Variants in KIDINS220 observed in about 807,000 individuals in gnomAD.
The protein encoded by KIDINS220 is kinase D-interacting substrate of 220 kDa.
A neutral mutation model predicts 157.6 loss-of-function variants in KIDINS220; 63 were observed. That is an observed-to-expected ratio of 0.40 (90% CI 0.33 to 0.49). KIDINS220 has a LOEUF of 0.49. KIDINS220 is among the 20% of genes least tolerant of loss of function. KIDINS220 has a pLI of 0.66. For missense variants in KIDINS220, 1,772 were observed against 2,171.2 expected (o/e 0.82, Z 3.65); for synonymous variants, 732 against 783.6 (o/e 0.93, Z 1.10).
intron 26 of KIDINS220, among the ~76,000 whole-genome samples, chr2:8,742,852 A>G (rs1665815825): frequency 6.6e-6 from 1 of 152,244 alleles, no homozygotes; most frequent in African/African-American, 2.4e-5. Context: ...GTGGTACTCA[A>G]TGTAAAATAA....
rs191002016 is a variant in KIDINS220 at position 8,789,838 on chromosome 2, C to T, written c.1621+42G>A. 3.1e-4 allele frequency: 439 copies of T among 1,399,794 alleles called. 3 individuals carry two copies. In the African/African-American group the frequency reaches 5.6e-3, roughly 18 times the overall value. The allele number at this position is 1,399,794 out of a possible 1,614,324, so 86.7% of individuals were successfully genotyped here. On this transcript the variant is annotated intron_variant, in intron 14 of 29. Coordinates refer to ENST00000256707, the MANE Select transcript of KIDINS220 (RefSeq NM_020738.4). ...TTTTTTCTTTATCTATGAATCTTAA[C>T]GTTTTCTCCATTTTTGAAAAAGATA...
rs566700731 is a variant in KIDINS220, at chr2:8,750,446, T to G, written c.3191-111A>C. On this transcript the variant is annotated intron_variant, in intron 23 of 29. Coordinates refer to ENST00000256707, the MANE Select transcript of KIDINS220 (RefSeq NM_020738.4). ...AGGCAGAAACATGACTTTATCACTC[T>G]TGCCACGGATTCCAACTAGATTAAA... 4.6e-6 allele frequency: 3 copies of G among 646,280 alleles called. No individual in the cohort carries two copies. In the South Asian group the frequency reaches 1.8e-4, roughly 40 times the overall value. 40.0% of individuals were successfully genotyped at this position (646,280 alleles called of 1,614,324 possible). A position where few individuals can be genotyped will look rare whatever the true frequency, so the allele number is the denominator to read the frequency against.
intron 17 of KIDINS220, among the ~76,000 whole-genome samples, chr2:8,780,494 G>A (rs984873029): frequency 1.0e-4 from 15 of 149,212 alleles, no homozygotes; most frequent in Non-Finnish European, 1.6e-4. Flanking sequence ...CCTTGATTAC[G>A]TAAGCTTATA....
intron 15 of KIDINS220, 39 bp downstream of exon 15, chr2:8,788,608 T>C (rs775135847): frequency 2.1e-5 from 34 of 1,581,632 alleles, no homozygotes; most frequent in Admixed American, 1.8e-4. Flanking sequence ...TTTTTCTGAA[T>C]CTCATTGAAG....
chr2:8,820,940 T>G (rs914040889), intron 2 of KIDINS220, among the ~76,000 whole-genome samples: 4 of 152,118 alleles, frequency 2.6e-5, no homozygotes, highest in African/African-American at 9.7e-5. Context: ...AAGTCATTGG[T>G]AGAATATATA....
At position 8,740,182 on chromosome 2, in the gene KIDINS220, C is replaced by T. The variant is rs757845517; in HGVS notation, c.3586-3183G>A. ...TCTGTTTGTTAAACCCAGAGTCACA[C>T]AGCTTTAAGGAAGGAATAAAACACA... On this transcript the variant is annotated intron_variant, in intron 26 of 29. Transcript: ENST00000256707. The T allele has an allele frequency of 9.3e-5, 91 of 983,762 alleles. 1 individual carries two copies. The Middle Eastern group carries it at 3.1e-3, about 34-fold the overall frequency. The allele number at this position is 983,762 out of a possible 1,614,324, so 60.9% of individuals were successfully genotyped here.
intron 9 of KIDINS220, 130 bp from the exon 10 acceptor site, chr2:8,798,430 T>G: frequency 1.7e-6 from 1 of 593,066 alleles, no homozygotes; most frequent in Non-Finnish European, 3.0e-6. Context: ...TATTAATCCT[T>G]ATGCTATCTT....
chr2:8,778,296 C>G (rs183293702), intron 20 of KIDINS220, among the ~76,000 whole-genome samples: 1 of 152,298 alleles, frequency 6.6e-6, no homozygotes, highest in African/African-American at 2.4e-5. Flanking sequence ...AAACCTTTCT[C>G]CCCTACTGCT....
intron 22 of KIDINS220, among the ~76,000 whole-genome samples, chr2:8,766,050 C>A (rs1413617578): frequency 6.6e-6 from 1 of 152,112 alleles, no homozygotes. Flanking sequence ...AGCAAATAGG[C>A]CCTGAAGCAT....
rs2148373278 is a variant in KIDINS220, at chr2:8,812,456, C to T, written c.443G>A (p.Gly148Asp). The T allele has an allele frequency of 1.3e-6, 2 of 1,597,734 alleles. No homozygotes were observed. The highest frequency in any genetic ancestry group is 2.3e-5 in the South Asian group (2 of 88,812). ...VYPIIWAAGR[G>D]HADIVHLLLQ... The stretch of plus-strand genomic sequence containing the variant: ...TAAAAGATGAACTATATCTGCATGG[C>T]CTCTCCCTGCTGCCCAAATGATTGG... The change falls in exon 6 of 30, where the codon GGC becomes GAC. Residue 148 changes from glycine (G) to aspartate (D), a missense_variant. Gly to Asp is a moderately conservative substitution (Grantham distance 94). Around this residue, in one of 3 missense-constraint regions of KIDINS220, gnomAD observed 254 missense variants for 268.6 expected, o/e 0.95. Transcript: ENST00000256707.
At chr2:8,813,046 G>A (rs952856334) in intron 5 of KIDINS220, among the ~76,000 whole-genome samples, 191 bp downstream of exon 5, 1 of 152,088 alleles carries the variant, frequency 6.6e-6, no homozygotes, top group African/African-American at 2.4e-5. Flanking sequence ...CCTTTTTGCT[G>A]ACAACAATTG....
intron 2 of KIDINS220, 139 bp downstream of exon 2, chr2:8,826,847 T>TGCAGTC: frequency 4.9e-6 from 2 of 408,660 alleles, no homozygotes; most frequent in Non-Finnish European, 8.7e-6. Context: ...TACTTTTAAC[T>TGCAGTC]ATAAGACATT....
chr2:8,812,654 T>A (rs934449970), intron 5 of KIDINS220, among the ~76,000 whole-genome samples, 161 bp from the exon 6 acceptor site: 2 of 152,152 alleles, frequency 1.3e-5, no homozygotes, highest in Non-Finnish European at 1.5e-5. Context: ...TAACACAAAG[T>A]AATGTTTTTT....
At chr2:8,803,799 C>T (rs1386300074) in intron 7 of KIDINS220, among the ~76,000 whole-genome samples, 1 of 152,030 alleles carries the variant, frequency 6.6e-6, no homozygotes, top group African/African-American at 2.4e-5. Flanking sequence ...CATTTGAGGC[C>T]AGGAGTTCAA....
chr2:8,792,487 A>G (rs1673328523), intron 12 of KIDINS220, among the ~76,000 whole-genome samples: 1 of 152,258 alleles, frequency 6.6e-6, no homozygotes, highest in Admixed American at 6.5e-5. Flanking sequence ...CATATTACAC[A>G]TTATCTAAGC....
chr2:8,726,352 T>C (rs13391706), downstream of KIDINS220, among the ~76,000 whole-genome samples: 2,393 of 152,336 alleles, frequency 0.016, 36 homozygotes, highest in African/African-American at 0.037. Context: ...CTGATGCCAG[T>C]GTAAGCCAAG....
intron 26 of KIDINS220, among the ~76,000 whole-genome samples, chr2:8,745,040 A>C (rs1374841804): frequency 6.6e-6 from 1 of 152,206 alleles, no homozygotes; most frequent in Non-Finnish European, 1.5e-5. Flanking sequence ...CCAAAAACTC[A>C]TTTCAAAATT....
In KIDINS220 at chr2:8,779,701, C is replaced by G. The variant is rs1302975872; in HGVS notation, c.2343G>C (p.Gln781His). ...VIIDGLDACEQDKVLQMLDTV... is the reference protein window; with the variant it reads ...VIIDGLDACEHDKVLQMLDTV... ...TGTCCAGCATCTGAAGGACTTTGTC[C>G]TGCTCACAGGCATCTAATCCATCGA... Residue 781 changes from glutamine to histidine, a missense_variant, in exon 18 of 30, where the codon CAG becomes CAC. Coordinates refer to ENST00000256707, the MANE Select transcript of KIDINS220 (RefSeq NM_020738.4). 1.2e-6 allele frequency: 2 copies of G among 1,614,002 alleles called. No homozygotes were observed. Among genetic ancestry groups the G allele is most frequent in the Admixed American group, 1.7e-5 (1 of 60,004 alleles).
chr2:8,744,837 G>A lies in KIDINS220; in HGVS notation c.3585+2308C>T, dbSNP rs141615290. Among the ~76,000 whole-genome samples, 10 of 152,114 alleles carry A rather than the reference G, an allele frequency of 6.6e-5. No homozygotes were observed. The East Asian group carries it at 9.7e-4, about 15-fold the overall frequency. Reference sequence around the variant, plus strand: ...AAAACAAATTTTACATTCTATTGTCGTTGTTAATTTCTTAAAAGCAAAGGA... The same window carrying A: ...AAAACAAATTTTACATTCTATTGTCATTGTTAATTTCTTAAAAGCAAAGGA... On this transcript the variant is annotated intron_variant, in intron 26 of 29. Coordinates refer to ENST00000256707, the MANE Select transcript of KIDINS220 (RefSeq NM_020738.4).
Sources: allele counts gnomAD v4.1 joint callset (sites outside exome capture counted in the v4.1 genomes callset), GRCh38; gene constraint gnomAD v4.1.1; regional missense constraint gnomAD v4.1.1; transcripts MANE v1.5; gene names NCBI Gene and HGNC (gene_info 2026-07-23, HGNC 2026-07-21).